MAGI2: variants seen among roughly 807,000 people sequenced by gnomAD.
MAGI2 encodes the protein membrane associated guanylate kinase, WW and PDZ domain containing 2.
MAGI2 carries 35 observed loss-of-function variants against 133.3 expected under a neutral mutation model. The ratio of observed to expected loss-of-function variants is 0.26; its 90% CI spans 0.20 to 0.35. MAGI2 has a LOEUF of 0.35. Ranked by LOEUF, MAGI2 falls within the 10% of genes least tolerant of loss-of-function variation. The probability of loss-of-function intolerance (pLI) is 1.00; values close to 1 mark genes in which losing one functional copy is unlikely to be tolerated. For missense variants in MAGI2, 1,636 were observed against 1,863.4 expected, an observed-to-expected ratio of 0.88 and a Z score of 2.25; for synonymous variants, 729 against 710.6, an observed-to-expected ratio of 1.03 and a Z score of -0.41.
intron 1 of MAGI2, among the ~76,000 whole-genome samples, chr7:79,220,691 T>C (rs1472936498): frequency 1.3e-5 from 2 of 152,106 alleles, no homozygotes; most frequent in African/African-American, 4.8e-5. Context: ...TCTACCGTGC[T>C]GCCTGGAACA....
intron 2 of MAGI2, among the ~76,000 whole-genome samples, chr7:78,636,497 T>TA (rs1473926154): frequency 1.3e-5 from 2 of 152,066 alleles, no homozygotes; most frequent in Admixed American, 6.5e-5. Flanking sequence ...TGGTGTTTCT[T>TA]AAAACATAGG....
chr7:79,363,608 A>G (rs1303628637), intron 1 of MAGI2, among the ~76,000 whole-genome samples: 1 of 151,540 alleles, frequency 6.6e-6, no homozygotes, highest in African/African-American at 2.4e-5. Flanking sequence ...AAATTGCTAG[A>G]AGGAAACAGG....
At chr7:78,633,575 G>A (rs1019615255) in intron 2 of MAGI2, among the ~76,000 whole-genome samples, 85 of 148,798 alleles carry the variant, frequency 5.7e-4, no homozygotes, top group African/African-American at 1.8e-3. Context: ...GCGTGGTGGC[G>A]GGCGCCTGTA....
chr7:78,494,256 C>CCTGAATCA (rs1183565874), intron 5 of MAGI2, among the ~76,000 whole-genome samples: 1 of 152,018 alleles, frequency 6.6e-6, no homozygotes, highest in Non-Finnish European at 1.5e-5. Flanking sequence ...CGTGCCTGGC[C>CCTGAATCA]CTGAATCACT....
intron 9 of MAGI2, among the ~76,000 whole-genome samples, chr7:78,325,071 A>T (rs542848102): frequency 2.0e-5 from 3 of 152,332 alleles, no homozygotes; most frequent in South Asian, 2.1e-4. Context: ...GAAACCAAAA[A>T]TAACTGATTT....
intron 2 of MAGI2, among the ~76,000 whole-genome samples, chr7:78,919,370 A>G (rs921215599): frequency 6.6e-6 from 1 of 152,114 alleles, no homozygotes; most frequent in Non-Finnish European, 1.5e-5. Flanking sequence ...TGTTTAAAAG[A>G]AATAGATTAT....
At chr7:78,649,429 A>T (rs1811305639) in intron 2 of MAGI2, among the ~76,000 whole-genome samples, 1 of 151,948 alleles carries the variant, frequency 6.6e-6, no homozygotes, top group Non-Finnish European at 1.5e-5. Flanking sequence ...AACATCTACA[A>T]TCATGGCGAA....
intron 20 of MAGI2, among the ~76,000 whole-genome samples, chr7:78,100,045 A>G (rs1202116798): frequency 6.6e-6 from 1 of 152,142 alleles, no homozygotes; most frequent in Non-Finnish European, 1.5e-5. Context: ...TATTTTCACT[A>G]GAGGCCTCTA....
chr7:78,578,899 C>A (rs1266234037), intron 3 of MAGI2, among the ~76,000 whole-genome samples: 1 of 152,162 alleles, frequency 6.6e-6, no homozygotes, highest in Admixed American at 6.5e-5. Flanking sequence ...ATACCCTCAA[C>A]CCCTTTGTTG....
At chr7:78,313,333 T>A (rs1798880759) in intron 9 of MAGI2, among the ~76,000 whole-genome samples, 1 of 151,984 alleles carries the variant, frequency 6.6e-6, no homozygotes, top group South Asian at 2.1e-4. Context: ...TTGTATCCCC[T>A]AAATATATAA....
intron 16 of MAGI2, among the ~76,000 whole-genome samples, chr7:78,157,949 C>T (rs902387319): frequency 3.9e-5 from 6 of 152,182 alleles, no homozygotes; most frequent in Admixed American, 3.9e-4. Context: ...AGGTTTAATG[C>T]TTCTGTAGTT....
At chr7:78,224,589 C>T (rs1019890134) in intron 10 of MAGI2, among the ~76,000 whole-genome samples, 4 of 152,052 alleles carry the variant, frequency 2.6e-5, no homozygotes, top group Admixed American at 2.6e-4. Flanking sequence ...TGGCTTGAGC[C>T]CAGGAGGTGG....
At chr7:78,507,402 T>C (rs1795182113) in intron 4 of MAGI2, among the ~76,000 whole-genome samples, 1 of 152,002 alleles carries the variant, frequency 6.6e-6, no homozygotes, top group Admixed American at 6.6e-5. Flanking sequence ...AAGGGCAAAG[T>C]AGAATATTTA....
intron 2 of MAGI2, among the ~76,000 whole-genome samples, chr7:78,774,215 G>C (rs892051057): frequency 3.8e-4 from 58 of 152,284 alleles, no homozygotes; most frequent in African/African-American, 1.3e-3. Context: ...AATCTTCTAA[G>C]GTGGTTCCAA....
intron 2 of MAGI2, among the ~76,000 whole-genome samples, chr7:78,799,632 A>C (rs1041062889): frequency 6.6e-6 from 1 of 152,274 alleles, no homozygotes; most frequent in South Asian, 2.1e-4. Flanking sequence ...ATTTGAGGAA[A>C]TAAGTTTGCT....
chr7:78,736,198 C>T (rs1447625213), intron 2 of MAGI2, among the ~76,000 whole-genome samples: 1 of 152,144 alleles, frequency 6.6e-6, no homozygotes, highest in East Asian at 1.9e-4. Context: ...AAATACACTT[C>T]CTGAAATTCT....
chr7:79,086,378 T>C lies in MAGI2; in HGVS notation c.302-79172A>G, dbSNP rs533564150. ...AAGATGCTCATTTTCACAGTTACTATAGTTGTGAAGCTGATAATATTCAAG... is the reference window on the plus strand; with the variant it reads ...AAGATGCTCATTTTCACAGTTACTACAGTTGTGAAGCTGATAATATTCAAG... On this transcript the variant is annotated intron_variant, in intron 1 of 21. Transcript: ENST00000354212. 1.1e-4 allele frequency among the ~76,000 whole-genome samples: 17 copies of C among 152,014 alleles called. No individual in the cohort carries two copies. The South Asian group carries it at 1.9e-3, about 17-fold the overall frequency.
chr7:78,281,626 T>C (rs1468598236), intron 9 of MAGI2, among the ~76,000 whole-genome samples: 1 of 152,160 alleles, frequency 6.6e-6, no homozygotes, highest in African/African-American at 2.4e-5. Context: ...AATGGACTAA[T>C]ACACATACAT....
At chr7:79,045,236 TA>T (rs1812065327) in intron 1 of MAGI2, among the ~76,000 whole-genome samples, 1 of 152,168 alleles carries the variant, frequency 6.6e-6, no homozygotes, top group South Asian at 2.1e-4. Context: ...GGTTTTCCTG[TA>T]GCAGAAGGGA....
Sources: allele counts gnomAD v4.1 joint callset (sites outside exome capture counted in the v4.1 genomes callset), GRCh38; gene constraint gnomAD v4.1.1; transcripts MANE v1.5; gene names NCBI Gene and HGNC (gene_info 2026-07-23, HGNC 2026-07-21).